Variants in MOK observed in about 807,000 individuals in gnomAD.
MOK encodes MAPK/MAK/MRK overlapping kinase.
MOK carries 59 observed loss-of-function variants against 54.2 expected under a neutral mutation model. The ratio of observed to expected loss-of-function variants is 1.09; its 90% CI spans 0.88 to 1.35. MOK has a LOEUF of 1.35. Among genes scored for constraint, MOK ranks in the 40% most tolerant of loss-of-function variants. MOK has a pLI of 0.00. For missense variants in MOK, 517 were observed against 526.2 expected (o/e 0.98, Z 0.17); for synonymous variants, 210 against 202.7 (o/e 1.04, Z -0.31).
intron 8 of MOK, 60 bp downstream of exon 8, chr14:102,233,628 C>T (rs2064946370): frequency 4.8e-6 from 7 of 1,470,376 alleles, no homozygotes; most frequent in African/African-American, 1.4e-5. Context: ...AGGGGCTTGC[C>T]CTGCTGCAGG....
intron 2 of MOK, among the ~76,000 whole-genome samples, chr14:102,275,562 T>G: frequency 1.4e-5 from 1 of 71,456 alleles, no homozygotes; most frequent in South Asian, 4.1e-4. Context: ...AGACTCCATC[T>G]CAAAAAAAAA....
chr14:102,299,061 G>GT (rs1353520629), intron 1 of MOK, among the ~76,000 whole-genome samples: 1 of 152,160 alleles, frequency 6.6e-6, no homozygotes, highest in Non-Finnish European at 1.5e-5. Flanking sequence ...AACACTCACC[G>GT]TGAGGGTCTG....
chr14:102,284,550 G>A (rs1475925159), intron 1 of MOK, among the ~76,000 whole-genome samples: 1 of 152,106 alleles, frequency 6.6e-6, no homozygotes, highest in African/African-American at 2.4e-5. Context: ...AATCTAGAGA[G>A]CAAAAGTCTC....
chr14:102,304,884 G>A, intron 1 of MOK, 78 bp downstream of exon 1: 3 of 1,494,328 alleles, frequency 2.0e-6, no homozygotes, highest in South Asian at 1.2e-5. Context: ...GGCCCCTCAA[G>A]CTCCTCAAGC....
chr14:102,280,201 G>A (rs906667127), intron 2 of MOK, among the ~76,000 whole-genome samples: 7 of 151,774 alleles, frequency 4.6e-5, no homozygotes, highest in Middle Eastern at 3.4e-3. Context: ...GCGGAATTTC[G>A]GCTTCCTTGT....
chr14:102,267,586 T>A (rs1441062111), intron 2 of MOK, among the ~76,000 whole-genome samples: 1 of 152,018 alleles, frequency 6.6e-6, no homozygotes, highest in Non-Finnish European at 1.5e-5. Context: ...TAAATAAATA[T>A]GTCTGAATAT....
At chr14:102,295,324 A>C (rs1258131076) in intron 1 of MOK, among the ~76,000 whole-genome samples, 2 of 152,252 alleles carry the variant, frequency 1.3e-5, no homozygotes, top group Non-Finnish European at 2.9e-5. Flanking sequence ...CATTTATTAA[A>C]CCAAGGCTTG....
downstream of MOK, chr14:102,224,847 A>C: frequency 4.4e-6 from 2 of 454,828 alleles, no homozygotes; most frequent in South Asian, 3.1e-5. Context: ...AAATGAAAGA[A>C]TCAGAATGGA....
At chr14:102,278,620 A>G (rs1363472082) in intron 2 of MOK, 2 of 453,948 alleles carry the variant, frequency 4.4e-6, no homozygotes, top group Non-Finnish European at 8.8e-6. Flanking sequence ...GCTCAGAGTC[A>G]GCTCCACGAC....
At chr14:102,293,711 AAAAAAAAAAAAAAAAG>A (rs2071047967) in intron 1 of MOK, among the ~76,000 whole-genome samples, 2 of 150,182 alleles carry the variant, frequency 1.3e-5, no homozygotes, top group African/African-American at 4.9e-5. Flanking sequence ...CAAAAAAAAA[AAAAAAAAAAAAAAAAG>A]AAAAGAAAAG....
At chr14:102,292,697 T>C (rs989254595) in intron 1 of MOK, among the ~76,000 whole-genome samples, 2 of 150,020 alleles carry the variant, frequency 1.3e-5, no homozygotes, top group Admixed American at 1.3e-4. Context: ...ACCTCTTAAA[T>C]AGAAAGTCCA....
At chr14:102,288,914 T>C (rs1390845395) in intron 1 of MOK, among the ~76,000 whole-genome samples, 2 of 152,126 alleles carry the variant, frequency 1.3e-5, no homozygotes, top group African/African-American at 4.8e-5. Context: ...TTGTTTTGTT[T>C]TGTTTTGAGA....
In MOK at chr14:102,229,293, C is replaced by A; in HGVS notation, c.1256G>T (p.Arg419Ile). ...CGAGACGACGGTGCTGCTCAGTTAT[C>A]TTCCGCCTTTCCGCACTATGGTGGG... The part of the protein sequence containing the change: ...RLPTIVRKGG[R>I] Residue 419 changes from arginine to isoleucine, a missense_variant, in exon 12 of 12, where the codon AGA becomes ATA. By Grantham distance (97) the Arg-to-Ile change is moderately conservative. Transcript: ENST00000361847. 1 of 1,601,728 alleles carries A rather than the reference C, an allele frequency of 6.2e-7. No homozygotes were observed. Among genetic ancestry groups the A allele is most frequent in the Non-Finnish European group, 8.5e-7 (1 of 1,173,068 alleles).
At chr14:102,290,143 GAAA>G (rs376178602) in intron 1 of MOK, among the ~76,000 whole-genome samples, 1 of 142,360 alleles carries the variant, frequency 7.0e-6, no homozygotes. Context: ...TACACTTAGA[GAAA>G]AAAAAAAAAA....
At chr14:102,252,241 G>C (rs2066590996) in intron 4 of MOK, among the ~76,000 whole-genome samples, 1 of 152,072 alleles carries the variant, frequency 6.6e-6, no homozygotes, top group Admixed American at 6.6e-5. Flanking sequence ...GAGGTGGGTG[G>C]ATCAGGAGTT....
At chr14:102,246,980 T>C (rs1567163136) in intron 7 of MOK, among the ~76,000 whole-genome samples, 1 of 151,908 alleles carries the variant, frequency 6.6e-6, no homozygotes, top group Admixed American at 6.6e-5. Context: ...CCCCCAGCCC[T>C]TGACACCTCC....
rs1174560274 is a variant in MOK at position 102,229,072 on chromosome 14, T to C, written c.*217A>G. 2.0e-5 allele frequency: 10 copies of C among 511,962 alleles called. No homozygotes were observed. The highest frequency in any genetic ancestry group is 3.1e-5 in the Non-Finnish European group (9 of 294,296). 31.7% of individuals were successfully genotyped at this position (511,962 alleles called of 1,614,324 possible). A position where few individuals can be genotyped will look rare whatever the true frequency, so the allele number is the denominator to read the frequency against. ...ACGAAAATGAAAGAAAACCCTAGAATGCGGTGGTTTTACAAGTATATTAGC... is the reference window on the plus strand; with the variant it reads ...ACGAAAATGAAAGAAAACCCTAGAACGCGGTGGTTTTACAAGTATATTAGC... On this transcript the variant is annotated 3_prime_UTR_variant, in exon 12 of 12. Coordinates refer to ENST00000361847, the MANE Select transcript of MOK (RefSeq NM_014226.3).
At chr14:102,282,439 G>T (rs1300140524) in intron 2 of MOK, among the ~76,000 whole-genome samples, 2 of 151,946 alleles carry the variant, frequency 1.3e-5, no homozygotes, top group Non-Finnish European at 2.9e-5. Flanking sequence ...TGCATTTATA[G>T]AAGTCCAACA....
chr14:102,246,525 C>G (rs982456455), intron 7 of MOK, among the ~76,000 whole-genome samples: 2 of 152,136 alleles, frequency 1.3e-5, no homozygotes, highest in Non-Finnish European at 2.9e-5. Context: ...CAATTCCTCT[C>G]TGGCAAGAGA....
Sources: gnomAD v4.1 joint callset for allele counts (sites outside exome capture counted in the v4.1 genomes callset) on GRCh38, gnomAD v4.1.1 for gene constraint, MANE v1.5 for transcripts, NCBI Gene and HGNC (gene_info 2026-07-23, HGNC 2026-07-21) for gene names.